LIN9: variants seen among roughly 807,000 people sequenced by gnomAD.
LIN9 encodes the protein lin-9 DREAM MuvB core complex component, also known as protein lin-9 homolog.
In LIN9, 18 loss-of-function variants were observed where a neutral mutation model predicts 78.0. The observed-to-expected ratio is 0.23, with a 90% CI of 0.16 to 0.34. The LOEUF (loss-of-function observed/expected upper bound fraction) is 0.34, where lower values mean the gene tolerates loss of function less well. Ranked by LOEUF, LIN9 falls within the 10% of genes least tolerant of loss-of-function variation. The probability of loss-of-function intolerance (pLI) is 1.00; values close to 1 mark genes in which losing one functional copy is unlikely to be tolerated. For missense variants in LIN9, 451 were observed against 644.1 expected, an observed-to-expected ratio of 0.70 and a Z score of 3.25; for synonymous variants, 192 against 215.2, an observed-to-expected ratio of 0.89 and a Z score of 0.94.
chr1:226,294,265 G>A (rs1209168244), intron 4 of LIN9, among the ~76,000 whole-genome samples: 2 of 129,462 alleles, frequency 1.5e-5, no homozygotes, highest in Non-Finnish European at 1.6e-5. Context: ...CCAAGATCGT[G>A]CCAATGCAGT....
chr1:226,295,729 C>T (rs574639545), intron 4 of LIN9, 113 bp downstream of exon 4: 39 of 625,338 alleles, frequency 6.2e-5, no homozygotes, highest in African/African-American at 5.7e-4. Flanking sequence ...AGCAGCCGTA[C>T]GAATTTAAAG....
intron 9 of LIN9, 72 bp downstream of exon 9, chr1:226,266,141 T>C: frequency 1.5e-5 from 16 of 1,045,570 alleles, no homozygotes; most frequent in East Asian, 2.9e-5. Context: ...GTAATAGATG[T>C]GTATTTCTTA....
At chr1:226,278,641 T>C (rs900732422) in intron 6 of LIN9, among the ~76,000 whole-genome samples, 3 of 145,470 alleles carry the variant, frequency 2.1e-5, no homozygotes, top group African/African-American at 7.7e-5. Context: ...CTGGCCAACA[T>C]GGCAAAATCC....
intron 10 of LIN9, among the ~76,000 whole-genome samples, chr1:226,253,850 G>A (rs571909174): frequency 2.0e-5 from 3 of 152,194 alleles, no homozygotes; most frequent in East Asian, 3.9e-4. Context: ...AGGAAGCAGA[G>A]TCTGCAATGA....
intron 10 of LIN9, among the ~76,000 whole-genome samples, chr1:226,256,327 G>A (rs999895813): frequency 6.6e-6 from 1 of 152,026 alleles, no homozygotes; most frequent in Non-Finnish European, 1.5e-5. Context: ...CAAGCAAGAG[G>A]AGACTGGAGT....
At chr1:226,286,230 A>G in intron 6 of LIN9, 103 bp downstream of exon 6, 6 of 1,270,218 alleles carry the variant, frequency 4.7e-6, no homozygotes, top group Non-Finnish European at 5.4e-6. Context: ...CCTGGCCTTA[A>G]GCAAATACCC....
intron 6 of LIN9, among the ~76,000 whole-genome samples, chr1:226,278,823 CA>C (rs368835514): frequency 3.4e-4 from 44 of 129,674 alleles, no homozygotes; most frequent in Non-Finnish European, 3.5e-4. Flanking sequence ...AACTCCGTCT[CA>C]AAAAAAAAAA....
Position 226,277,829 on chromosome 1 carries a change from T to C in LIN9, c.628A>G (p.Lys210Glu). 6.2e-7 allele frequency: 1 copy of C among 1,613,970 alleles called. No individual in the cohort carries two copies. Among genetic ancestry groups the C allele is most frequent in the Non-Finnish European group, 8.5e-7 (1 of 1,179,930 alleles). Residue 210 changes from lysine (K) to glutamate (E), a missense_variant, in exon 7 of 15, where the codon AAA becomes GAA. Coordinates refer to ENST00000681046, the MANE Select transcript of LIN9 (RefSeq NM_001366245.2). ...AAAGGAATTTCATCTGGGAGATCTT[T>C]GAATTGTGAAACATCTGCAACTTTC... Reference protein sequence around the residue: ...QRKVADVSQFKDLPDEIPLPL... With the variant: ...QRKVADVSQFEDLPDEIPLPL...
Position 226,287,719 on chromosome 1 carries a change from G to T in LIN9, c.343C>A (p.Leu115Ile). The T allele has an allele frequency of 6.4e-7, 1 of 1,554,674 alleles. No individual in the cohort carries two copies. The highest frequency in any genetic ancestry group is 1.2e-5 in the South Asian group (1 of 82,572). The change falls in exon 5 of 15, where the codon CTT becomes ATT. Residue 115 changes from leucine to isoleucine, a missense_variant. By Grantham distance (5) the Leu-to-Ile change is conservative (BLOSUM62 2). Transcript: ENST00000681046. Reference sequence around the variant, plus strand: ...ATACACCATTTATGTGCTTTAGGAAGCTTGAGCAGATTACGTAATCGAAAA... The same window carrying T: ...ATACACCATTTATGTGCTTTAGGAATCTTGAGCAGATTACGTAATCGAAAA... ...IGFRLRNLLK[L>I]PKAHKWCIYE...
chr1:226,275,691 CAGAAAAAAAA>C (rs1195550600), intron 7 of LIN9, among the ~76,000 whole-genome samples: 53 of 43,428 alleles, frequency 1.2e-3, no homozygotes, highest in African/African-American at 4.8e-3. Flanking sequence ...GACTCCGTCT[CAGAAAAAAAA>C]AAAAAAAAAA....
intron 3 of LIN9, 57 bp from the exon 4 acceptor site, chr1:226,296,003 A>G (rs1662123705): frequency 3.4e-6 from 4 of 1,191,576 alleles, no homozygotes; most frequent in Non-Finnish European, 4.9e-6. Flanking sequence ...TTTTTGTTCC[A>G]AAATACAATT....
At chr1:226,301,074 G>T in intron 2 of LIN9, 99 bp downstream of exon 2, 1 of 784,290 alleles carries the variant, frequency 1.3e-6, no homozygotes, top group South Asian at 2.2e-5. Flanking sequence ...AAGCTACAAT[G>T]AATCATAACT....
At chr1:226,253,818 G>A (rs920194602) in intron 10 of LIN9, among the ~76,000 whole-genome samples, 72 of 152,000 alleles carry the variant, frequency 4.7e-4, no homozygotes, top group African/African-American at 1.7e-3. Context: ...AGAAGGCTGA[G>A]GCAGGAGAAT....
chr1:226,250,867 C>A lies in LIN9; in HGVS notation c.1091G>T (p.Arg364Met). The A allele has an allele frequency of 6.5e-7, 1 of 1,538,238 alleles. No homozygotes were observed. The highest frequency in any genetic ancestry group is 1.2e-5 in the South Asian group (1 of 84,552). ...MIKKEHIKKLREMNTEAEKLK... is the reference protein window; with the variant it reads ...MIKKEHIKKLMEMNTEAEKLK... ...TTTTTCTGCTTCTGTGTTCATTTCCCTTAATTTCTTGATATGTTCCTTTTT... is the reference window on the plus strand; with the variant it reads ...TTTTTCTGCTTCTGTGTTCATTTCCATTAATTTCTTGATATGTTCCTTTTT... Residue 364 changes from arginine to methionine, a missense_variant, in exon 11 of 15, where the codon AGG becomes ATG. Physicochemically the swap from Arg to Met is moderately conservative, Grantham distance 91 (BLOSUM62 -1). Coordinates refer to ENST00000681046, the MANE Select transcript of LIN9 (RefSeq NM_001366245.2).
rs572008340 is a variant in LIN9, at chr1:226,294,586, A to C, written c.264+1256T>G. ...AACTCTGTCTCAAAAAAAAAAAACAAAAAAAAAAAAACCTAATGCTAAATT... is the reference window on the plus strand; with the variant it reads ...AACTCTGTCTCAAAAAAAAAAAACACAAAAAAAAAAACCTAATGCTAAATT... On this transcript the variant is annotated intron_variant, in intron 4 of 14. Transcript: ENST00000681046. 3.1e-3 allele frequency among the ~76,000 whole-genome samples: 474 copies of C among 150,926 alleles called. 2 individuals carry two copies. Among genetic ancestry groups the C allele is most frequent in the African/African-American group, 0.011 (437 of 40,764 alleles).
At chr1:226,239,638 G>C (rs1380843448) in intron 11 of LIN9, among the ~76,000 whole-genome samples, 1 of 152,152 alleles carries the variant, frequency 6.6e-6, no homozygotes, top group Non-Finnish European at 1.5e-5. Flanking sequence ...ACTGCAAAAT[G>C]GGGATTATAA....
In LIN9 at chr1:226,295,884, T is replaced by C. The variant is rs1041336447; in HGVS notation, c.222A>G (p.Thr74=). 2 of 1,613,540 alleles carry C rather than the reference T, an allele frequency of 1.2e-6. No individual in the cohort carries two copies. Among genetic ancestry groups the C allele is most frequent in the Non-Finnish European group, 1.7e-6 (2 of 1,179,824 alleles). ...FSDEDDRQIN[T]RSPKRNQRVA... ...CCCTCTGGTTTCTTTTAGGTGACCTTGTATTTATTTGCCTATCATCTTCAT... is the reference window on the plus strand; with the variant it reads ...CCCTCTGGTTTCTTTTAGGTGACCTCGTATTTATTTGCCTATCATCTTCAT... The change falls in exon 4 of 15, where the codon ACA becomes ACG. Residue 74 remains threonine, a synonymous_variant. Coordinates refer to ENST00000681046, the MANE Select transcript of LIN9 (RefSeq NM_001366245.2).
chr1:226,233,450 T>C lies in LIN9; in HGVS notation c.1319A>G (p.Gln440Arg), dbSNP rs1258856414. Reference sequence around the variant, plus strand: ...GGAATTTGCATGCCGAACAATTTCCTGTGCTTCTTCCTCACACCTGCGTCT... The same window carrying C: ...GGAATTTGCATGCCGAACAATTTCCCGTGCTTCTTCCTCACACCTGCGTCT... ...DMRRRCEEEA[Q>R]EIVRHANSST... Residue 440 changes from glutamine (Q) to arginine (R), a missense_variant, in exon 13 of 15, where the codon CAG becomes CGG. By Grantham distance (43) the Gln-to-Arg change is conservative. Transcript: ENST00000681046. 2 of 1,614,226 alleles carry C rather than the reference T, an allele frequency of 1.2e-6. No individual in the cohort carries two copies. The highest frequency in any genetic ancestry group is 1.7e-5 in the Admixed American group (1 of 60,032).
intron 1 of LIN9, among the ~76,000 whole-genome samples, chr1:226,302,736 G>A (rs1322704051): frequency 1.3e-5 from 2 of 151,966 alleles, no homozygotes; most frequent in East Asian, 1.9e-4. Flanking sequence ...CAGAGAGGAC[G>A]GATTAATCCT....
Sources: allele counts gnomAD v4.1 joint callset (sites outside exome capture counted in the v4.1 genomes callset), GRCh38; gene constraint gnomAD v4.1.1; transcripts MANE v1.5; gene names NCBI Gene and HGNC (gene_info 2026-07-23, HGNC 2026-07-21).